Variants in ZNF385D observed in about 807,000 individuals in gnomAD.
The protein encoded by ZNF385D is zinc finger protein 659.
In ZNF385D, 15 loss-of-function variants were observed where a neutral mutation model predicts 35.8. That is an observed-to-expected ratio of 0.42 (90% CI 0.28 to 0.64). ZNF385D has a LOEUF of 0.64. Ranked by LOEUF, ZNF385D falls within the 30% of genes least tolerant of loss-of-function variation. The probability of loss-of-function intolerance (pLI) is 0.23; values close to 1 mark genes in which losing one functional copy is unlikely to be tolerated. For synonymous variants in ZNF385D, 212 were observed against 186.8 expected (o/e 1.13, Z -1.10); for missense variants, 474 against 494.6 (o/e 0.96, Z 0.39).
chr3:22,079,129 G>C (rs184606855), intron 3 of ZNF385D, among the ~76,000 whole-genome samples: 1 of 152,002 alleles, frequency 6.6e-6, no homozygotes, highest in Non-Finnish European at 1.5e-5. Flanking sequence ...ATGAGTATAA[G>C]TGTCATGGAT....
At chr3:22,236,214 G>A (rs1699175892) in intron 2 of ZNF385D, among the ~76,000 whole-genome samples, 1 of 152,022 alleles carries the variant, frequency 6.6e-6, no homozygotes, top group South Asian at 2.1e-4. Context: ...ACAGAAACAT[G>A]TATATTTTAT....
At position 21,415,187 on chromosome 3, in the gene ZNF385D, G is replaced by A. The variant is rs1700545274; in HGVS notation, c.*6027C>T. ...CTTTAAAAATAATATTTGTTGTACT[G>A]GCAAAAATACAATCTGGGTTTCCAA... is the stretch of plus-strand genomic sequence containing the variant. On this transcript the variant is annotated 3_prime_UTR_variant, in exon 8 of 8. Coordinates refer to ENST00000281523, the MANE Select transcript of ZNF385D (RefSeq NM_024697.3). The A allele has an allele frequency of 2.6e-5, 4 of 151,998 alleles. No individual in the cohort carries two copies. Among genetic ancestry groups the A allele is most frequent in the African/African-American group, 7.2e-5 (3 of 41,382 alleles). 9.4% of individuals were successfully genotyped at this position (151,998 alleles called of 1,614,324 possible).
At chr3:22,184,114 C>T (rs749102983) in intron 2 of ZNF385D, among the ~76,000 whole-genome samples, 1 of 152,138 alleles carries the variant, frequency 6.6e-6, no homozygotes, top group South Asian at 2.1e-4. Flanking sequence ...CAAGGATTAT[C>T]AAAGTGTGCT....
chr3:21,575,121 G>T (rs2063458025), intron 2 of ZNF385D, among the ~76,000 whole-genome samples: 2 of 152,268 alleles, frequency 1.3e-5, no homozygotes, highest in African/African-American at 4.8e-5. Context: ...GTTCTTTACA[G>T]ATACGTAAAA....
At chr3:22,307,506 A>G (rs1575085982) in intron 2 of ZNF385D, among the ~76,000 whole-genome samples, 1 of 152,262 alleles carries the variant, frequency 6.6e-6, no homozygotes, top group East Asian at 1.9e-4. Flanking sequence ...TGGAGAATAA[A>G]TAAGTACTTG....
At chr3:22,026,362 C>G (rs1397062026) in intron 3 of ZNF385D, among the ~76,000 whole-genome samples, 2 of 152,118 alleles carry the variant, frequency 1.3e-5, no homozygotes, top group Non-Finnish European at 2.9e-5. Context: ...TTTCTCCCAT[C>G]CTTCCCCAAG....
At chr3:22,221,903 G>A (rs1698277710) in intron 2 of ZNF385D, among the ~76,000 whole-genome samples, 1 of 152,082 alleles carries the variant, frequency 6.6e-6, no homozygotes, top group Non-Finnish European at 1.5e-5. Flanking sequence ...AATGCCTTCA[G>A]TGAATGCATA....
At chr3:22,082,735 A>G (rs547518455) in intron 3 of ZNF385D, among the ~76,000 whole-genome samples, 25 of 152,188 alleles carry the variant, frequency 1.6e-4, no homozygotes, top group Non-Finnish European at 3.4e-4. Context: ...TCGGAGAACA[A>G]ACAGACTGCC....
chr3:22,123,185 G>C (rs753537978), intron 3 of ZNF385D, among the ~76,000 whole-genome samples: 1 of 152,078 alleles, frequency 6.6e-6, no homozygotes, highest in African/African-American at 2.4e-5. Flanking sequence ...GAAGAGAAGA[G>C]AAGAGAAAAG....
intron 4 of ZNF385D, among the ~76,000 whole-genome samples, chr3:21,505,061 T>C (rs1706670330): frequency 6.6e-6 from 1 of 152,134 alleles, no homozygotes; most frequent in South Asian, 2.1e-4. Flanking sequence ...AAGTGGACTC[T>C]AGCAATTGAA....
intron 2 of ZNF385D, among the ~76,000 whole-genome samples, chr3:21,635,254 T>A (rs1454728935): frequency 6.6e-6 from 1 of 152,100 alleles, no homozygotes; most frequent in East Asian, 1.9e-4. Context: ...CATTGGTTTA[T>A]AAAACAAAAA....
At chr3:22,047,971 T>A (rs182160633) in intron 3 of ZNF385D, among the ~76,000 whole-genome samples, 1 of 152,192 alleles carries the variant, frequency 6.6e-6, no homozygotes, top group Non-Finnish European at 1.5e-5. Context: ...TCATTGTGGA[T>A]TTAATTTGCA....
chr3:21,811,485 C>T lies in ZNF385D; in HGVS notation c.326-146457G>A, dbSNP rs936253469. The stretch of plus-strand genomic sequence containing the variant: ...ACAACAAAAAGAATGATGAATGTAA[C>T]TGATGGAATACAAAATATGTTAAAA... On this transcript the variant is annotated intron_variant, in intron 3 of 5. Coordinates refer to the ZNF385D transcript ENST00000494108. Among the ~76,000 whole-genome samples the T allele has an allele frequency of 2.6e-5, 4 of 152,156 alleles. No individual in the cohort carries two copies. The East Asian group carries it at 5.8e-4, about 22-fold the overall frequency.
intron 2 of ZNF385D, among the ~76,000 whole-genome samples, chr3:22,192,022 A>G (rs940137530): frequency 2.0e-5 from 3 of 152,038 alleles, no homozygotes; most frequent in Non-Finnish European, 1.5e-5. Context: ...TTTTCGGCCC[A>G]TCTACCCTGA....
chr3:21,617,617 C>G (rs2064885869), intron 2 of ZNF385D, among the ~76,000 whole-genome samples: 1 of 152,050 alleles, frequency 6.6e-6, no homozygotes, highest in Non-Finnish European at 1.5e-5. Context: ...AGTATCTTGC[C>G]CAAGGTCAAA....
At chr3:22,088,694 G>A (rs927249285) in intron 3 of ZNF385D, among the ~76,000 whole-genome samples, 1 of 148,948 alleles carries the variant, frequency 6.7e-6, no homozygotes, top group Non-Finnish European at 1.5e-5. Flanking sequence ...AAGCTACTGT[G>A]CCATTAAAAT....
chr3:21,462,860 T>C (rs1019018850), intron 4 of ZNF385D, among the ~76,000 whole-genome samples: 19 of 152,116 alleles, frequency 1.2e-4, no homozygotes, highest in African/African-American at 4.3e-4. Flanking sequence ...CTCACACCTG[T>C]AATCCCAGCT....
At chr3:22,082,871 C>A (rs1353796992) in intron 3 of ZNF385D, among the ~76,000 whole-genome samples, 1 of 152,190 alleles carries the variant, frequency 6.6e-6, no homozygotes, top group Non-Finnish European at 1.5e-5. Context: ...GATCAGGCAG[C>A]AATATTTGCT....
chr3:22,163,278 G>C (rs553483036), intron 3 of ZNF385D, among the ~76,000 whole-genome samples: 3 of 152,268 alleles, frequency 2.0e-5, no homozygotes, highest in East Asian at 3.9e-4. Flanking sequence ...AATTCTAGCA[G>C]AGCATGAATT....
Sources: gnomAD v4.1 joint callset for allele counts (sites outside exome capture counted in the v4.1 genomes callset) on GRCh38, gnomAD v4.1.1 for gene constraint, MANE v1.5 for transcripts, NCBI Gene and HGNC (gene_info 2026-07-23, HGNC 2026-07-21) for gene names.